Variants in DYNC2H1 observed in about 807,000 individuals in gnomAD.
DYNC2H1 encodes the protein cytoplasmic dynein 2 heavy chain 1.
Under a neutral mutation model 570.0 loss-of-function variants are expected in DYNC2H1, and 410 were observed. The observed-to-expected ratio is 0.72, with a 90% confidence interval of 0.66 to 0.78. The LOEUF is 0.78. Ranked by LOEUF, DYNC2H1 falls within the 30% of genes least tolerant of loss-of-function variation. DYNC2H1 has a pLI of 0.00. For synonymous variants in DYNC2H1, 1,688 were observed against 1,677.6 expected (o/e 1.01, Z -0.15); for missense variants, 4,865 against 5,046.4 (o/e 0.96, Z 1.09).
chr11:103,418,694 A>C (rs1793508), intron 84 of DYNC2H1, among the ~76,000 whole-genome samples: 76,458 of 152,000 alleles, frequency 0.5, 19,455 homozygotes, highest in African/African-American at 0.59. Context: ...GAACAAAGAA[A>C]AGCAGTGTGG....
rs947752305 is a variant in DYNC2H1, at chr11:103,145,095, G to A, written c.2702+1700G>A. Among the ~76,000 whole-genome samples, 15 of 152,018 alleles carry A rather than the reference G, an allele frequency of 9.9e-5. 2 individuals carry two copies. Among genetic ancestry groups the A allele is most frequent in the Admixed American group, 9.2e-4 (14 of 15,266 alleles). On this transcript the variant is annotated intron_variant, in intron 18 of 88. Coordinates refer to ENST00000375735, the MANE Select transcript of DYNC2H1 (RefSeq NM_001377.3). The surrounding 1 kb of genome is among the most constrained non-coding windows in gnomAD (Gnocchi z 4.2). Reference sequence around the variant, plus strand: ...TGGGGTTTATTATGTTGGCCAGGCTGGTCTCCAACTCTTGACCTCAGGTGA... The same window carrying A: ...TGGGGTTTATTATGTTGGCCAGGCTAGTCTCCAACTCTTGACCTCAGGTGA...
At chr11:103,470,757 A>G (rs1420320176) in intron 88 of DYNC2H1, among the ~76,000 whole-genome samples, 2 of 152,168 alleles carry the variant, frequency 1.3e-5, no homozygotes, top group African/African-American at 4.8e-5. Flanking sequence ...ATCATTTTTT[A>G]TGGCTGCATA....
intron 76 of DYNC2H1, 36 bp from the exon 77 acceptor site, chr11:103,304,559 T>TA: frequency 6.5e-7 from 1 of 1,539,230 alleles, no homozygotes; most frequent in African/African-American, 1.4e-5. Flanking sequence ...TTAGCAGATC[T>TA]GTTTTTAAAT....
rs897240864 is a variant in DYNC2H1 at position 103,334,117 on chromosome 11, T to C, written c.12039+10127T>C. 6.6e-6 allele frequency among the ~76,000 whole-genome samples: 1 copy of C among 152,206 alleles called. No homozygotes were observed. The highest frequency in any genetic ancestry group is 1.5e-5 in the Non-Finnish European group (1 of 68,028). On this transcript the variant is annotated intron_variant, in intron 82 of 88. Transcript: ENST00000375735. The surrounding 1 kb of genome is among the most constrained non-coding windows in gnomAD (Gnocchi z 4.3). ...AAGTCAGAAAAATATGGGCCAACTTTACCTTTGAAAATATCCTTACTAATT... is the reference window on the plus strand; with the variant it reads ...AAGTCAGAAAAATATGGGCCAACTTCACCTTTGAAAATATCCTTACTAATT...
intron 80 of DYNC2H1, among the ~76,000 whole-genome samples, chr11:103,320,397 G>A (rs1377287024): frequency 3.3e-5 from 5 of 152,114 alleles, no homozygotes; most frequent in East Asian, 1.9e-4. Flanking sequence ...GTGAGACACC[G>A]TCTCAAAAAA....
chr11:103,401,543 G>T (rs953492155), intron 84 of DYNC2H1, among the ~76,000 whole-genome samples: 3 of 152,084 alleles, frequency 2.0e-5, no homozygotes, highest in Non-Finnish European at 4.4e-5. Flanking sequence ...AAATAATAGA[G>T]CAAAATGGCT....
chr11:103,244,883 CCACACATACACA>C lies in DYNC2H1; in HGVS notation c.9919-354_9919-343del, dbSNP rs1265380557. On this transcript the variant is annotated intron_variant, in intron 64 of 88. Coordinates refer to ENST00000375735, the MANE Select transcript of DYNC2H1 (RefSeq NM_001377.3). The surrounding 1 kb of genome is among the most constrained non-coding windows in gnomAD (Gnocchi z 4.3). Reference sequence around the variant, plus strand: ...ACACATATATATATACACACACATACCACACATACACACACACATACACACGCCTGGGGTGAT... The same window carrying C: ...ACACATATATATATACACACACATACCACACATACACACGCCTGGGGTGAT... Among the ~76,000 whole-genome samples, 2 of 149,958 alleles carry C rather than the reference CCACACATACACA, an allele frequency of 1.3e-5. No individual in the cohort carries two copies. The highest frequency in any genetic ancestry group is 4.9e-5 in the African/African-American group (2 of 40,936).
intron 13 of DYNC2H1, among the ~76,000 whole-genome samples, chr11:103,130,188 T>C (rs1859202947): frequency 6.6e-6 from 1 of 152,302 alleles, no homozygotes; most frequent in East Asian, 1.9e-4. Flanking sequence ...GATGGCCACG[T>C]AGACACTTTC....
At chr11:103,424,780 C>G (rs1316258109) in intron 84 of DYNC2H1, among the ~76,000 whole-genome samples, 4 of 151,670 alleles carry the variant, frequency 2.6e-5, no homozygotes, top group Non-Finnish European at 4.4e-5. Flanking sequence ...ATGCTCCTGC[C>G]ATGACTGATT....
chr11:103,135,446 C>T (rs1859485976), intron 15 of DYNC2H1, 49 bp from the exon 16 acceptor site: 3 of 1,390,554 alleles, frequency 2.2e-6, no homozygotes, highest in East Asian at 2.6e-5. Context: ...ATGAAAAATC[C>T]ATTCTACTGC....
intron 17 of DYNC2H1, among the ~76,000 whole-genome samples, chr11:103,140,580 CCT>C (rs1258929486): frequency 2.6e-5 from 4 of 152,166 alleles, no homozygotes; most frequent in Admixed American, 6.5e-5. Context: ...TGAGAGATCC[CCT>C]GTTAGTCTGA....
intron 57 of DYNC2H1, among the ~76,000 whole-genome samples, chr11:103,221,748 TG>T (rs1321751621): frequency 6.6e-6 from 1 of 151,980 alleles, no homozygotes; most frequent in African/African-American, 2.4e-5. Flanking sequence ...CCCAGCTACT[TG>T]GGAGGCTGAG....
At chr11:103,215,659 A>G in intron 54 of DYNC2H1, 62 bp from the exon 55 acceptor site, 1 of 1,314,466 alleles carries the variant, frequency 7.6e-7, no homozygotes, top group South Asian at 1.6e-5. Context: ...ATAGGGCTTT[A>G]TTTACTGTGT....
intron 83 of DYNC2H1, among the ~76,000 whole-genome samples, chr11:103,392,605 TC>T (rs1413153373): frequency 6.6e-6 from 1 of 152,122 alleles, no homozygotes; most frequent in Non-Finnish European, 1.5e-5. Context: ...CTGGAGCTGT[TC>T]CTATTCGGCC....
chr11:103,133,761 C>T lies in DYNC2H1; in HGVS notation c.2106+54C>T. The T allele has an allele frequency of 6.9e-7, 1 of 1,448,078 alleles. No individual in the cohort carries two copies. The highest frequency in any genetic ancestry group is 9.2e-7 in the Non-Finnish European group (1 of 1,084,626). The allele number at this position is 1,448,078 out of a possible 1,614,324, so 89.7% of individuals were successfully genotyped here. A position where few individuals can be genotyped will look rare whatever the true frequency, so the allele number is the denominator to read the frequency against. ...CTATGAATGATATTATTTAAAAAGT[C>T]ATTAAGATACAATTTTTAAAAACTT... On this transcript the variant is annotated intron_variant, in intron 14 of 88. Transcript: ENST00000375735. The surrounding 1 kb of genome is among the most constrained non-coding windows in gnomAD (Gnocchi z 4.8).
intron 83 of DYNC2H1, among the ~76,000 whole-genome samples, chr11:103,391,820 T>A (rs1053030739): frequency 2.6e-5 from 4 of 152,218 alleles, no homozygotes; most frequent in African/African-American, 7.2e-5. Context: ...CCAATATTGC[T>A]GAACAGCAAA....
intron 87 of DYNC2H1, among the ~76,000 whole-genome samples, chr11:103,460,966 G>A (rs956339805): frequency 1.3e-5 from 2 of 151,946 alleles, no homozygotes; most frequent in African/African-American, 2.4e-5. Context: ...TGTCATTTTT[G>A]TTAGTAATGT....
Position 103,177,745 on chromosome 11 carries a change from AT to A in DYNC2H1, c.6066del (p.Ile2022MetfsTer13), listed in dbSNP as rs1365883932. 6.2e-7 allele frequency: 1 copy of A among 1,613,508 alleles called. No homozygotes were observed. The highest frequency in any genetic ancestry group is 8.5e-7 in the Non-Finnish European group (1 of 1,179,696). On this transcript the variant is annotated frameshift_variant, in exon 38 of 89. Coordinates refer to ENST00000375735, the MANE Select transcript of DYNC2H1 (RefSeq NM_001377.3). LOFTEE classifies it high-confidence loss of function. This position sits in a 1 kb window ranked among gnomAD's most constrained non-coding sequence, Gnocchi z 4.4. ...GCCTCGATATCAATTATTAGGCCAT[AT>A]TGACATGGACACAAGAGAATGGTCT... ...AMPRYQLLGHIDMDTREWSDG... is the reference protein window; with the variant it reads ...AMPRYQLLGHXDMDTREWSDG...
chr11:103,166,990 C>CTTTTTTTTTTTTTTTT (rs34816989), intron 31 of DYNC2H1, among the ~76,000 whole-genome samples: 6 of 56,988 alleles, frequency 1.1e-4, no homozygotes, highest in East Asian at 6.3e-4. Flanking sequence ...GAGGCGCTGC[C>CTTTTTTTTTTTTTTTT]TTTTTTTTTT....
Sources: allele counts gnomAD v4.1 joint callset (sites outside exome capture counted in the v4.1 genomes callset), GRCh38; gene constraint gnomAD v4.1.1; non-coding constraint Gnocchi (gnomAD v3.1); transcripts MANE v1.5; gene names NCBI Gene and HGNC (gene_info 2026-07-23, HGNC 2026-07-21).